SMG1: variants seen among roughly 807,000 people sequenced by gnomAD.
SMG1 encodes the protein serine/threonine-protein kinase SMG1.
A neutral mutation model predicts 419.9 loss-of-function variants in SMG1; 22 were observed. The observed-to-expected ratio is 0.05, with a 90% confidence interval of 0.04 to 0.07. SMG1 has a LOEUF of 0.07. SMG1 is among the 10% of genes least tolerant of loss of function. The pLI, the probability that SMG1 is intolerant of heterozygous loss-of-function variation, is 1.00. For missense variants in SMG1, 3,185 were observed against 4,342.0 expected, an observed-to-expected ratio of 0.73 and a Z score of 7.49; for synonymous variants, 1,538 against 1,553.5, an observed-to-expected ratio of 0.99 and a Z score of 0.23.
At chr16:18,904,791 C>G (rs898120612) in intron 1 of SMG1, among the ~76,000 whole-genome samples, 3 of 151,560 alleles carry the variant, frequency 2.0e-5, no homozygotes, top group African/African-American at 7.3e-5. Flanking sequence ...AAATATCAGC[C>G]AGGCGTGGTG....
At chr16:18,850,832 A>T (rs1042172992) in intron 33 of SMG1, among the ~76,000 whole-genome samples, 1 of 151,980 alleles carries the variant, frequency 6.6e-6, no homozygotes, top group Non-Finnish European at 1.5e-5. Context: ...GCTCACTGCA[A>T]CCTCTCTGCC....
chr16:18,881,809 T>C (rs2036410565), intron 10 of SMG1, among the ~76,000 whole-genome samples: 1 of 152,186 alleles, frequency 6.6e-6, no homozygotes, highest in Non-Finnish European at 1.5e-5. Flanking sequence ...TTTCTGAGGC[T>C]TTTCCTATAG....
intron 54 of SMG1, among the ~76,000 whole-genome samples, chr16:18,828,408 A>C (rs1216208333): frequency 6.6e-6 from 1 of 152,202 alleles, no homozygotes; most frequent in African/African-American, 2.4e-5. Flanking sequence ...GCACCATTTA[A>C]ATAGTAATTC....
chr16:18,853,093 C>T (rs1358455570), intron 31 of SMG1, among the ~76,000 whole-genome samples: 1 of 152,150 alleles, frequency 6.6e-6, no homozygotes, highest in Non-Finnish European at 1.5e-5. Flanking sequence ...AAACCATCTC[C>T]CAAATTTTCT....
chr16:18,844,459 C>A (rs1172551094), intron 39 of SMG1, among the ~76,000 whole-genome samples: 545 of 23,932 alleles, frequency 0.023, 81 homozygotes, highest in Non-Finnish European at 0.042. Flanking sequence ...ACAACACCCC[C>A]CCCCCCCGCC....
chr16:18,841,087 A>G (rs1294568143), intron 41 of SMG1, among the ~76,000 whole-genome samples: 1 of 151,686 alleles, frequency 6.6e-6, no homozygotes, highest in Admixed American at 6.6e-5. Flanking sequence ...AAAAAAAGCA[A>G]ACAACTTTAT....
rs557271189 is a variant in SMG1 at position 18,879,412 on chromosome 16, G to C, written c.1518+83C>G. The C allele has an allele frequency of 3.8e-6, 5 of 1,310,456 alleles. No homozygotes were observed. The East Asian group carries it at 1.2e-4, about 33-fold the overall frequency. The allele number at this position is 1,310,456 out of a possible 1,614,324, so 81.2% of individuals were successfully genotyped here. Reference sequence around the variant, plus strand: ...TTACAAGCATGAGCCACCATGCCCAGACAAAGCCCTTAATTTCTTACATAT... The same window carrying C: ...TTACAAGCATGAGCCACCATGCCCACACAAAGCCCTTAATTTCTTACATAT... On this transcript the variant is annotated intron_variant, in intron 11 of 62. Transcript: ENST00000446231.
In SMG1 at chr16:18,805,647, G is replaced by A. The variant is rs773302481; in HGVS notation, c.*3922C>T. On this transcript the variant is annotated 3_prime_UTR_variant, in exon 63 of 63. Transcript: ENST00000446231. ...TTGGAAAAAATTGGGACACTTGCTA[G>A]TTCTTCCCTGTGGGAAGAATCTTTC... is the stretch of plus-strand genomic sequence containing the variant. 3.3e-5 allele frequency: 5 copies of A among 152,174 alleles called. No homozygotes were observed. The highest frequency in any genetic ancestry group is 7.3e-5 in the Non-Finnish European group (5 of 68,032). The allele number at this position is 152,174 out of a possible 1,614,324, so 9.4% of individuals were successfully genotyped here.
chr16:18,813,137 C>T (rs558475760), intron 60 of SMG1, among the ~76,000 whole-genome samples: 1 of 152,216 alleles, frequency 6.6e-6, no homozygotes, highest in East Asian at 1.9e-4. Flanking sequence ...CATACGTGTG[C>T]ATGTGTCTTT....
chr16:18,831,990 AT>A (rs1427079384), intron 51 of SMG1, among the ~76,000 whole-genome samples: 1 of 152,090 alleles, frequency 6.6e-6, no homozygotes, highest in Non-Finnish European at 1.5e-5. Context: ...TACTTTCTGC[AT>A]TATTAATATT....
At position 18,872,173 on chromosome 16, in the gene SMG1, A is replaced by G. The variant is rs753612044; in HGVS notation, c.2183+11T>C. 9 of 1,394,576 alleles carry G rather than the reference A, an allele frequency of 6.5e-6. No homozygotes were observed. Among genetic ancestry groups the G allele is most frequent in the Admixed American group, 6.2e-5 (3 of 48,360 alleles). The allele number at this position is 1,394,576 out of a possible 1,614,324, so 86.4% of individuals were successfully genotyped here. A position where few individuals can be genotyped will look rare whatever the true frequency, so the allele number is the denominator to read the frequency against. ...AGTTAGGAATAGTTAATACTATATAATATCTGTTACCTCGTGTCCTGGTTA... is the reference window on the plus strand; with the variant it reads ...AGTTAGGAATAGTTAATACTATATAGTATCTGTTACCTCGTGTCCTGGTTA... On this transcript the variant is annotated intron_variant, in intron 15 of 62. Coordinates refer to ENST00000446231, the MANE Select transcript of SMG1 (RefSeq NM_015092.5).
chr16:18,830,697 A>C (rs1343133617), intron 51 of SMG1, among the ~76,000 whole-genome samples: 1 of 152,150 alleles, frequency 6.6e-6, no homozygotes, highest in Admixed American at 6.5e-5. Flanking sequence ...GGCTGAGGCT[A>C]GGAGAATCGC....
intron 41 of SMG1, among the ~76,000 whole-genome samples, chr16:18,840,805 T>C (rs2033872935): frequency 6.6e-6 from 1 of 152,220 alleles, no homozygotes; most frequent in South Asian, 2.1e-4. Context: ...AAGATGTAAA[T>C]TATCAAGTTA....
At chr16:18,890,580 G>A (rs1045143797) in intron 5 of SMG1, among the ~76,000 whole-genome samples, 1 of 152,232 alleles carries the variant, frequency 6.6e-6, no homozygotes, top group African/African-American at 2.4e-5. Context: ...AACCCGAGAG[G>A]TGGAGGTTGC....
In SMG1 at chr16:18,849,451, C is replaced by G. The variant is rs2034469886; in HGVS notation, c.5462-73G>C. 4 of 1,410,632 alleles carry G rather than the reference C, an allele frequency of 2.8e-6. No homozygotes were observed. In the East Asian group the frequency reaches 9.2e-5, roughly 32 times the overall value. 87.4% of individuals were successfully genotyped at this position (1,410,632 alleles called of 1,614,324 possible). A position where few individuals can be genotyped will look rare whatever the true frequency, so the allele number is the denominator to read the frequency against. On this transcript the variant is annotated intron_variant, in intron 35 of 62. Transcript: ENST00000446231. Reference sequence around the variant, plus strand: ...TGAAGAAACTATCAGCATCGTAGATCAAACAGATAAAACGTGATGTGTGTC... The same window carrying G: ...TGAAGAAACTATCAGCATCGTAGATGAAACAGATAAAACGTGATGTGTGTC...
At chr16:18,831,795 A>G (rs1294335917) in intron 51 of SMG1, among the ~76,000 whole-genome samples, 3 of 148,774 alleles carry the variant, frequency 2.0e-5, no homozygotes, top group East Asian at 3.9e-4. Context: ...ATATATACAC[A>G]CACACGTACA....
rs540794513 is a variant in SMG1 at position 18,893,622 on chromosome 16, A to G, written c.413-1268T>C. On this transcript the variant is annotated intron_variant, in intron 3 of 62. Coordinates refer to ENST00000446231, the MANE Select transcript of SMG1 (RefSeq NM_015092.5). ...GTGACAGAGCGAGACTGTCTCAAAAAACAAAACAAAAAAAAACCTCAATTT... is the reference window on the plus strand; with the variant it reads ...GTGACAGAGCGAGACTGTCTCAAAAGACAAAACAAAAAAAAACCTCAATTT... Among the ~76,000 whole-genome samples the G allele has an allele frequency of 5.3e-5, 8 of 150,422 alleles. No individual in the cohort carries two copies. In the East Asian group the frequency reaches 1.5e-3, roughly 29 times the overall value.
At chr16:18,883,441 C>A (rs1434498754) in intron 9 of SMG1, among the ~76,000 whole-genome samples, 11 of 152,102 alleles carry the variant, frequency 7.2e-5, no homozygotes, top group African/African-American at 1.7e-4. Flanking sequence ...TTTATAACAC[C>A]ACATCAATTT....
At chr16:18,919,391 G>C (rs969744884) in intron 1 of SMG1, among the ~76,000 whole-genome samples, 5 of 151,826 alleles carry the variant, frequency 3.3e-5, no homozygotes, top group African/African-American at 1.2e-4. Flanking sequence ...TTGGGAGGCT[G>C]AGGCGGGCGG....
Sources: gnomAD v4.1 joint callset for allele counts (sites outside exome capture counted in the v4.1 genomes callset) on GRCh38, gnomAD v4.1.1 for gene constraint, MANE v1.5 for transcripts, NCBI Gene and HGNC (gene_info 2026-07-23, HGNC 2026-07-21) for gene names.